SLC30A10: variants seen among roughly 807,000 people sequenced by gnomAD.
SLC30A10 encodes the protein solute carrier family 30 member 10.
Under a neutral mutation model 21.7 loss-of-function variants are expected in SLC30A10, and 8 were observed. The observed-to-expected ratio is 0.37, with a 90% CI of 0.22 to 0.67. SLC30A10 has a LOEUF of 0.67. Ranked by LOEUF, SLC30A10 falls within the 30% of genes least tolerant of loss-of-function variation. The probability of loss-of-function intolerance (pLI) is 0.58; values close to 1 mark genes in which losing one functional copy is unlikely to be tolerated. For synonymous variants in SLC30A10, 272 were observed against 279.4 expected (o/e 0.97, Z 0.26); for missense variants, 521 against 642.5 (o/e 0.81, Z 2.04).
chr1:219,943,049 A>C (rs1323614367), intron 1 of SLC30A10, among the ~76,000 whole-genome samples: 1 of 152,194 alleles, frequency 6.6e-6, no homozygotes, highest in Non-Finnish European at 1.5e-5. Flanking sequence ...TGTCTCAAAA[A>C]TAAAAATAAA....
intron 1 of SLC30A10, among the ~76,000 whole-genome samples, chr1:219,953,038 T>C (rs1357308700): frequency 6.6e-6 from 1 of 152,292 alleles, no homozygotes; most frequent in South Asian, 2.1e-4. Flanking sequence ...ATGGGACAGA[T>C]ACTGTGATCT....
At chr1:219,940,954 GA>G (rs1278242026) in intron 1 of SLC30A10, among the ~76,000 whole-genome samples, 3 of 152,016 alleles carry the variant, frequency 2.0e-5, no homozygotes, top group Non-Finnish European at 2.9e-5. Flanking sequence ...ACTGAGAGTA[GA>G]AAAAAATCTG....
intron 1 of SLC30A10, among the ~76,000 whole-genome samples, chr1:219,951,678 G>A (rs1166827438): frequency 3.3e-5 from 5 of 151,176 alleles, no homozygotes; most frequent in Non-Finnish European, 7.4e-5. Context: ...CCAAGATCGC[G>A]CCACTGCACT....
Position 219,923,568 on chromosome 1 carries a change from T to C in SLC30A10, c.718+3460A>G, listed in dbSNP as rs147961061. ...TCAAAGGGGATTTCTTTTCAAGGGA[T>C]GTCAAGATGGCTATTCATCTATTTA... is the stretch of plus-strand genomic sequence containing the variant. On this transcript the variant is annotated intron_variant, in intron 2 of 3. Coordinates refer to ENST00000366926, the MANE Select transcript of SLC30A10 (RefSeq NM_018713.3). Among the ~76,000 whole-genome samples the C allele has an allele frequency of 5.0e-3, 757 of 152,364 alleles. 10 individuals are homozygous for C. The highest frequency in any genetic ancestry group is 0.018 in the African/African-American group (743 of 41,590).
upstream of SLC30A10, among the ~76,000 whole-genome samples, chr1:219,930,175 C>CAA (rs893210791): frequency 7.9e-3 from 1,149 of 145,314 alleles, 3 homozygotes; most frequent in African/African-American, 0.025. Context: ...AACAAACAAA[C>CAA]AAAAAAAAAA....
rs1388558899 is a variant in SLC30A10 at position 219,913,084 on chromosome 1, T to C, written c.*2365A>G. On this transcript the variant is annotated 3_prime_UTR_variant, in exon 4 of 4. Transcript: ENST00000366926. ...TTGGGAGAATTAAAAGGCAGGACAA[T>C]TAAAGAGAGAGTGAAACCCAAGTGA... 6.6e-6 allele frequency among the ~76,000 whole-genome samples: 1 copy of C among 152,130 alleles called. No individual in the cohort carries two copies. Among genetic ancestry groups the C allele is most frequent in the Non-Finnish European group, 1.5e-5 (1 of 68,018 alleles).
rs771866877 is a variant in SLC30A10, at chr1:219,928,387, G to C, written c.54C>G (p.Thr18=). The change falls in exon 1 of 4, where the codon ACC becomes ACG. Residue 18 remains threonine, a synonymous_variant. Transcript: ENST00000366926. The surrounding 1 kb of genome is among the most constrained non-coding windows in gnomAD (Gnocchi z 6.3). The stretch of plus-strand genomic sequence containing the variant: ...CCAGCTCCGCCACGAAGAAGGCGAC[G>C]GTGAGCACCAGCATGAAGAGCAGCC... ...TCRLLFMLVL[T]VAFFVAELVS... is the part of the protein sequence containing the mutation. The C allele has an allele frequency of 1.2e-6, 2 of 1,613,460 alleles. No individual in the cohort carries two copies. The highest frequency in any genetic ancestry group is 1.7e-5 in the Admixed American group (1 of 60,010).
intron 1 of SLC30A10, among the ~76,000 whole-genome samples, chr1:219,944,836 A>G (rs1352954166): frequency 2.0e-5 from 3 of 152,212 alleles, no homozygotes; most frequent in Non-Finnish European, 2.9e-5. Context: ...AGAAGGAACA[A>G]ACAGAAAATG....
chr1:219,921,870 T>TGA (rs1553313031), intron 2 of SLC30A10, among the ~76,000 whole-genome samples: 1 of 98,662 alleles, frequency 1.0e-5, no homozygotes, highest in Non-Finnish European at 1.9e-5. Context: ...GGGGTGTCTC[T>TGA]GAGTGTGTGT....
At chr1:219,944,017 G>A (rs1051130739) in intron 1 of SLC30A10, among the ~76,000 whole-genome samples, 26 of 151,268 alleles carry the variant, frequency 1.7e-4, no homozygotes, top group African/African-American at 4.6e-4. Context: ...GGAGAATGGC[G>A]TGAACCCAGG....
chr1:219,938,333 C>A (rs904765761), intron 1 of SLC30A10, among the ~76,000 whole-genome samples: 4 of 152,218 alleles, frequency 2.6e-5, no homozygotes, highest in Non-Finnish European at 4.4e-5. Flanking sequence ...TCCATGAGGG[C>A]GCCTCCAAAG....
At chr1:219,922,912 T>A (rs1005839823) in intron 2 of SLC30A10, among the ~76,000 whole-genome samples, 3 of 152,082 alleles carry the variant, frequency 2.0e-5, no homozygotes, top group Admixed American at 2.0e-4. Context: ...GTCACCTAGC[T>A]AGGAAAAGGG....
intron 2 of SLC30A10, among the ~76,000 whole-genome samples, chr1:219,926,477 C>CGACCTTCT (rs1442799034): frequency 2.0e-5 from 3 of 152,128 alleles, no homozygotes; most frequent in Non-Finnish European, 4.4e-5. Context: ...CCAGTGCTTC[C>CGACCTTCT]GACCTTGACC....
At chr1:219,947,999 C>T (rs1013685144) in intron 1 of SLC30A10, among the ~76,000 whole-genome samples, 3 of 151,698 alleles carry the variant, frequency 2.0e-5, no homozygotes, top group African/African-American at 7.3e-5. Context: ...CATGAGTGAA[C>T]TCCCATTCAC....
rs1430719361 is a variant in SLC30A10 at position 219,928,377 on chromosome 1, A to T, written c.64T>A (p.Phe22Ile). ...LFMLVLTVAF[F>I]VAELVSGYLG... ...TAGCCGGAGACCAGCTCCGCCACGA[A>T]GAAGGCGACGGTGAGCACCAGCATG... The change falls in exon 1 of 4, where the codon TTC becomes ATC. Residue 22 changes from phenylalanine (F) to isoleucine (I), a missense_variant. By Grantham distance (21) the Phe-to-Ile change is conservative. Coordinates refer to ENST00000366926, the MANE Select transcript of SLC30A10 (RefSeq NM_018713.3). This position sits in a 1 kb window ranked among gnomAD's most constrained non-coding sequence, Gnocchi z 6.3. The T allele has an allele frequency of 6.2e-7, 1 of 1,613,474 alleles. No individual in the cohort carries two copies. The highest frequency in any genetic ancestry group is 8.5e-7 in the Non-Finnish European group (1 of 1,179,706).
chr1:219,931,089 G>T (rs1292173110), upstream of SLC30A10, among the ~76,000 whole-genome samples: 1 of 152,228 alleles, frequency 6.6e-6, no homozygotes, highest in Non-Finnish European at 1.5e-5. Flanking sequence ...GTCAAAATAA[G>T]TGAGGGAAGC....
At chr1:219,954,672 C>T (rs913280847) in intron 1 of SLC30A10, among the ~76,000 whole-genome samples, 1 of 93,228 alleles carries the variant, frequency 1.1e-5, no homozygotes, top group Non-Finnish European at 2.0e-5. Context: ...CAGAGTGAGA[C>T]TCCATCTCAA....
intron 3 of SLC30A10, among the ~76,000 whole-genome samples, chr1:219,917,707 CCTTTTTTTTTTTTTTTTTTTT>C (rs1230991292): frequency 2.1e-4 from 25 of 120,632 alleles, no homozygotes; most frequent in African/African-American, 8.5e-4. Context: ...TTTTTTCTTT[CCTTTTTTTTTTTTTTTTTTTT>C]GAGTCAGAGT....
chr1:219,947,212 C>A (rs1042203093), intron 1 of SLC30A10, among the ~76,000 whole-genome samples: 13 of 152,114 alleles, frequency 8.5e-5, no homozygotes, highest in African/African-American at 2.9e-4. Flanking sequence ...AGATGAAGAA[C>A]AAGAGCATAG....
Sources: gnomAD v4.1 joint callset for allele counts (sites outside exome capture counted in the v4.1 genomes callset) on GRCh38, gnomAD v4.1.1 for gene constraint, Gnocchi (gnomAD v3.1) non-coding constraint, MANE v1.5 for transcripts, NCBI Gene and HGNC (gene_info 2026-07-23, HGNC 2026-07-21) for gene names.